LAMA2: variants seen among roughly 807,000 people sequenced by gnomAD.
LAMA2 encodes the protein laminin subunit alpha-2.
A neutral mutation model predicts 364.8 loss-of-function variants in LAMA2; 269 were observed. That is an observed-to-expected ratio of 0.74 (90% confidence interval 0.67 to 0.82). The LOEUF (loss-of-function observed/expected upper bound fraction) is 0.82. LAMA2 is among the 40% of genes least tolerant of loss of function. The pLI is 0.00. For missense variants in LAMA2, 3,807 were observed against 3,873.2 expected, an observed-to-expected ratio of 0.98 and a Z score of 0.45; for synonymous variants, 1,379 against 1,370.6, an observed-to-expected ratio of 1.01 and a Z score of -0.14.
At chr6:129,444,635 A>G (rs778166025) in intron 44 of LAMA2, among the ~76,000 whole-genome samples, 1 of 152,178 alleles carries the variant, frequency 6.6e-6, no homozygotes, top group African/African-American at 2.4e-5. Context: ...TACCTACTTT[A>G]AAACCTAATT....
chr6:129,306,381 A>G (rs1179767858), intron 22 of LAMA2, among the ~76,000 whole-genome samples: 6 of 108,668 alleles, frequency 5.5e-5, no homozygotes. Flanking sequence ...TTTGCAGAGT[A>G]TGTAATCCTA....
intron 3 of LAMA2, among the ~76,000 whole-genome samples, chr6:129,094,756 C>A (rs1775068922): frequency 6.6e-6 from 1 of 152,086 alleles, no homozygotes; most frequent in African/African-American, 2.4e-5. Flanking sequence ...TACCTAGATT[C>A]TCTCTTTCAC....
At chr6:128,958,523 G>A (rs2114586512) in intron 1 of LAMA2, among the ~76,000 whole-genome samples, 1 of 152,094 alleles carries the variant, frequency 6.6e-6, no homozygotes, top group Admixed American at 6.6e-5. Context: ...GATCATGAAT[G>A]ATTTCAACTA....
intron 35 of LAMA2, among the ~76,000 whole-genome samples, chr6:129,383,594 A>G (rs1325301573): frequency 6.6e-6 from 1 of 152,222 alleles, no homozygotes; most frequent in Non-Finnish European, 1.5e-5. Flanking sequence ...ATTCCACTTG[A>G]TACATTAAAG....
In LAMA2 at chr6:129,440,277, C is replaced by T. The variant is rs962158520; in HGVS notation, c.6086-539C>T. On this transcript the variant is annotated intron_variant, in intron 42 of 64. Transcript: ENST00000421865. ...ATCTCGGTGGTTTTTACTTTTTTAA[C>T]GTTTAAAAACCTGAGTAACTTTTCA... 3.6e-5 allele frequency among the ~76,000 whole-genome samples: 5 copies of T among 138,684 alleles called. No individual in the cohort carries two copies. In the South Asian group the frequency reaches 9.5e-4, roughly 26 times the overall value. 91.0% of individuals were successfully genotyped at this position (138,684 alleles called of 152,430 possible). A position where few individuals can be genotyped will look rare whatever the true frequency, so the allele number is the denominator to read the frequency against.
intron 32 of LAMA2, among the ~76,000 whole-genome samples, chr6:129,355,741 T>A (rs1162789966): frequency 6.6e-6 from 1 of 152,138 alleles, no homozygotes; most frequent in African/African-American, 2.4e-5. Flanking sequence ...AAGTAAACAC[T>A]CAGTTTAGTA....
Position 129,324,563 on chromosome 6 carries a change from C to T in LAMA2, c.4177-3715C>T, listed in dbSNP as rs143205723. ...CAGGGATACGTTCTGAGAAATGTGTCGTTAGGTGATCTCCTCATTGTGCAA... is the reference window on the plus strand; with the variant it reads ...CAGGGATACGTTCTGAGAAATGTGTTGTTAGGTGATCTCCTCATTGTGCAA... On this transcript the variant is annotated intron_variant, in intron 28 of 64. Coordinates refer to ENST00000421865, the MANE Select transcript of LAMA2 (RefSeq NM_000426.4). Among the ~76,000 whole-genome samples, 30 of 152,228 alleles carry T rather than the reference C, an allele frequency of 2.0e-4. No individual in the cohort carries two copies. In the East Asian group the frequency reaches 4.6e-3, roughly 24 times the overall value.
intron 35 of LAMA2, among the ~76,000 whole-genome samples, chr6:129,386,700 T>C (rs1403394756): frequency 6.6e-6 from 1 of 152,224 alleles, no homozygotes; most frequent in Non-Finnish European, 1.5e-5. Flanking sequence ...CAAGTTTTAA[T>C]GGGCCATGTG....
At chr6:128,901,809 T>G (rs1777100600) in intron 1 of LAMA2, among the ~76,000 whole-genome samples, 1 of 152,238 alleles carries the variant, frequency 6.6e-6, no homozygotes, top group South Asian at 2.1e-4. Context: ...AATTCTACAG[T>G]TGACTGCAGA....
intron 4 of LAMA2, among the ~76,000 whole-genome samples, chr6:129,132,834 AAGAT>A (rs1409689709): frequency 6.6e-6 from 1 of 152,226 alleles, no homozygotes; most frequent in Admixed American, 6.5e-5. Context: ...ACAGCACTAT[AAGAT>A]AGATATTATT....
At chr6:129,343,238 T>A (rs1034050795) in intron 30 of LAMA2, among the ~76,000 whole-genome samples, 57 of 152,186 alleles carry the variant, frequency 3.7e-4, no homozygotes, top group African/African-American at 1.3e-3. Flanking sequence ...TGTATGGCAG[T>A]TTGTTCAGAA....
intron 62 of LAMA2, among the ~76,000 whole-genome samples, chr6:129,508,157 A>C (rs1418117523): frequency 6.6e-6 from 1 of 152,222 alleles, no homozygotes; most frequent in Non-Finnish European, 1.5e-5. Flanking sequence ...ATGGTTTTAT[A>C]TCACTGGTCA....
intron 1 of LAMA2, among the ~76,000 whole-genome samples, chr6:129,033,650 CT>C (rs964339062): frequency 2.0e-5 from 3 of 152,190 alleles, no homozygotes; most frequent in Admixed American, 2.0e-4. Flanking sequence ...CTGTTTTGCA[CT>C]TCCTCTCCTT....
chr6:129,328,259 T>A lies in LAMA2; in HGVS notation c.4177-19T>A. ...GTATTTCTAACTTTGCTGTCCTAAT[T>A]GGCTTCCTTTTCTTTCAGGCATGCT... On this transcript the variant is annotated intron_variant, in intron 28 of 64. Transcript: ENST00000421865. The A allele has an allele frequency of 1.2e-6, 2 of 1,611,258 alleles. No homozygotes were observed. Among genetic ancestry groups the A allele is most frequent in the South Asian group, 2.2e-5 (2 of 91,018 alleles).
intron 4 of LAMA2, among the ~76,000 whole-genome samples, chr6:129,122,577 A>G (rs372771874): frequency 2.2e-4 from 34 of 152,276 alleles, no homozygotes; most frequent in African/African-American, 7.7e-4. Context: ...TTTTTTTCCT[A>G]AGGGTTTTTA....
At chr6:129,474,593 C>T (rs1339359134) in intron 52 of LAMA2, among the ~76,000 whole-genome samples, 1 of 152,078 alleles carries the variant, frequency 6.6e-6, no homozygotes, top group Non-Finnish European at 1.5e-5. Flanking sequence ...AGTGGTTGTT[C>T]AAATCTAAGA....
chr6:129,456,606 A>G (rs1782976768), intron 48 of LAMA2, 112 bp downstream of exon 48: 10 of 999,004 alleles, frequency 1.0e-5, no homozygotes, highest in Non-Finnish European at 1.4e-5. Context: ...CGTTTTACTT[A>G]ACTTGCATTT....
At chr6:129,150,977 C>T (rs999860954) in intron 7 of LAMA2, among the ~76,000 whole-genome samples, 1 of 152,168 alleles carries the variant, frequency 6.6e-6, no homozygotes, top group African/African-American at 2.4e-5. Context: ...AAGATAATAT[C>T]TCTAAAAAGC....
At position 128,905,129 on chromosome 6, in the gene LAMA2, G is replaced by A. The variant is rs147128963; in HGVS notation, c.112+21772G>A. ...TTCCATATAATGCATTATATTCTGG[G>A]TCATAGTTTCCTATATTATAACTGC... On this transcript the variant is annotated intron_variant, in intron 1 of 64. Transcript: ENST00000421865. Among the ~76,000 whole-genome samples, 1,309 of 152,186 alleles carry A rather than the reference G, an allele frequency of 8.6e-3. 22 individuals are homozygous for A. The highest frequency in any genetic ancestry group is 0.026 in the African/African-American group (1,068 of 41,518).
Sources: allele counts gnomAD v4.1 joint callset (sites outside exome capture counted in the v4.1 genomes callset), GRCh38; gene constraint gnomAD v4.1.1; transcripts MANE v1.5; gene names NCBI Gene and HGNC (gene_info 2026-07-23, HGNC 2026-07-21).